The following MEOX2 variants were observed in gnomAD, a reference collection of about 807,000 sequenced individuals.
MEOX2 encodes the protein homeobox protein MOX-2.
In MEOX2, 11 loss-of-function variants were observed where a neutral mutation model predicts 27.0. The observed-to-expected ratio is 0.41, with a 90% CI of 0.26 to 0.68. The LOEUF (loss-of-function observed/expected upper bound fraction) is 0.68. Ranked by LOEUF, MEOX2 falls within the 30% of genes least tolerant of loss-of-function variation. The probability of loss-of-function intolerance (pLI) is 0.33; values close to 1 mark genes in which losing one functional copy is unlikely to be tolerated. For synonymous variants in MEOX2, 189 were observed against 155.4 expected (o/e 1.22, Z -1.61); for missense variants, 436 against 385.4 (o/e 1.13, Z -1.10).
chr7:15,678,363 T>C (rs887733918), intron 1 of MEOX2, among the ~76,000 whole-genome samples: 1 of 151,934 alleles, frequency 6.6e-6, no homozygotes, highest in Non-Finnish European at 1.5e-5. Context: ...TGAAAGTTAT[T>C]TGCTAAATTG....
intron 2 of MEOX2, among the ~76,000 whole-genome samples, chr7:15,614,652 A>G (rs916813246): frequency 6.6e-6 from 1 of 152,014 alleles, no homozygotes; most frequent in Non-Finnish European, 1.5e-5. Context: ...CTGTTCCTTT[A>G]TTAATTTTTC....
intron 1 of MEOX2, among the ~76,000 whole-genome samples, chr7:15,649,022 A>G (rs1469622186): frequency 6.6e-6 from 1 of 152,064 alleles, no homozygotes; most frequent in African/African-American, 2.4e-5. Flanking sequence ...CCCTCCCACA[A>G]CTCCCTGAGT....
intron 1 of MEOX2, among the ~76,000 whole-genome samples, chr7:15,632,976 T>C (rs1562599621): frequency 6.6e-6 from 1 of 151,970 alleles, no homozygotes; most frequent in Non-Finnish European, 1.5e-5. Flanking sequence ...AAGGCCCTAA[T>C]TAAGACTTTT....
intron 1 of MEOX2, among the ~76,000 whole-genome samples, chr7:15,644,165 G>A (rs970604032): frequency 2.0e-5 from 3 of 152,102 alleles, no homozygotes; most frequent in African/African-American, 7.2e-5. Flanking sequence ...TGAGGGCCTT[G>A]GGCGATGAGC....
chr7:15,645,696 G>T (rs189563278), intron 1 of MEOX2, among the ~76,000 whole-genome samples: 1 of 152,230 alleles, frequency 6.6e-6, no homozygotes, highest in Non-Finnish European at 1.5e-5. Context: ...TTCTCAAGTG[G>T]TATCTTGGCT....
At chr7:15,622,867 C>T (rs1781242343) in intron 2 of MEOX2, among the ~76,000 whole-genome samples, 1 of 152,108 alleles carries the variant, frequency 6.6e-6, no homozygotes, top group African/African-American at 2.4e-5. Context: ...TCTAGCATTA[C>T]TCAGATTAGT....
chr7:15,679,143 A>G (rs1167724980), intron 1 of MEOX2: 2 of 152,120 alleles, frequency 1.3e-5, no homozygotes, highest in African/African-American at 2.4e-5. Flanking sequence ...CAGATTTACT[A>G]TTATCAGGAA....
intron 1 of MEOX2, among the ~76,000 whole-genome samples, chr7:15,640,982 A>G (rs866415472): frequency 1.3e-5 from 2 of 151,884 alleles, no homozygotes; most frequent in South Asian, 2.1e-4. Context: ...TTGGCTTATG[A>G]TTTTATTTTT....
chr7:15,616,615 C>G (rs569824289), intron 2 of MEOX2, among the ~76,000 whole-genome samples: 2 of 151,902 alleles, frequency 1.3e-5, no homozygotes, highest in South Asian at 4.1e-4. Flanking sequence ...GTTTTTAAGA[C>G]AGCTAAATTA....
chr7:15,666,771 AAAAAAAAAATATATATAT>A (rs1169198197), intron 1 of MEOX2, among the ~76,000 whole-genome samples: 7 of 49,452 alleles, frequency 1.4e-4, no homozygotes, highest in East Asian at 2.3e-3. Flanking sequence ...AAAAAAAAAA[AAAAAAAAAATATATATAT>A]ATATATATAT....
chr7:15,615,905 AG>A (rs1762068373), intron 2 of MEOX2, among the ~76,000 whole-genome samples: 1 of 152,000 alleles, frequency 6.6e-6, no homozygotes, highest in African/African-American at 2.4e-5. Flanking sequence ...TTCTAGGAGA[AG>A]GGATATAGTA....
chr7:15,631,059 G>C (rs1287442015), intron 1 of MEOX2, among the ~76,000 whole-genome samples: 1 of 151,858 alleles, frequency 6.6e-6, no homozygotes, highest in Non-Finnish European at 1.5e-5. Flanking sequence ...ATTGGATCGA[G>C]CACCACTATG....
At chr7:15,642,268 C>T (rs1270984539) in intron 1 of MEOX2, among the ~76,000 whole-genome samples, 1 of 152,126 alleles carries the variant, frequency 6.6e-6, no homozygotes, top group Non-Finnish European at 1.5e-5. Flanking sequence ...GGTTTGTTTG[C>T]ATCACATAAT....
Position 15,640,254 on chromosome 7 carries a change from T to TTGTG in MEOX2, c.518-13340_518-13337dup, listed in dbSNP as rs34600761. ...CTGTTTGGGGGTTGTGTGTGTGTGT[T>TTGTG]TGTGTGTGTGTGTGTGTGTGTGTGT... On this transcript the variant is annotated intron_variant, in intron 1 of 2. Transcript: ENST00000262041. Among the ~76,000 whole-genome samples, 661 of 145,990 alleles carry TTGTG rather than the reference T, an allele frequency of 4.5e-3. 4 individuals are homozygous for TTGTG. The highest frequency in any genetic ancestry group is 0.028 in the East Asian group (138 of 4,946).
chr7:15,668,746 G>C (rs948433058), intron 1 of MEOX2, among the ~76,000 whole-genome samples: 4 of 152,150 alleles, frequency 2.6e-5, no homozygotes, highest in Admixed American at 6.5e-5. Context: ...AAAGTGCTGA[G>C]ATTACAGGCA....
intron 1 of MEOX2, among the ~76,000 whole-genome samples, chr7:15,640,729 T>A (rs752369167): frequency 7.9e-5 from 12 of 152,156 alleles, no homozygotes; most frequent in African/African-American, 1.7e-4. Flanking sequence ...AGGGTTTTTA[T>A]CATGAAGGAT....
At chr7:15,661,294 C>T (rs994948575) in intron 1 of MEOX2, among the ~76,000 whole-genome samples, 2 of 152,010 alleles carry the variant, frequency 1.3e-5, no homozygotes, top group Admixed American at 6.6e-5. Flanking sequence ...AACTAAGAAC[C>T]GTATTCACTC....
At chr7:15,643,333 AGCTGGGTGAC>A (rs1417735616) in intron 1 of MEOX2, among the ~76,000 whole-genome samples, 1 of 152,090 alleles carries the variant, frequency 6.6e-6, no homozygotes, top group Non-Finnish European at 1.5e-5. Flanking sequence ...GAGGTGGCAA[AGCTGGGTGAC>A]GCTGGGTCAG....
At chr7:15,633,203 C>T (rs1300355510) in intron 1 of MEOX2, among the ~76,000 whole-genome samples, 2 of 151,796 alleles carry the variant, frequency 1.3e-5, no homozygotes, top group East Asian at 3.9e-4. Flanking sequence ...AAAAATAATA[C>T]TTGTTTTCAC....
Sources: gnomAD v4.1 joint callset for allele counts (sites outside exome capture counted in the v4.1 genomes callset) on GRCh38, gnomAD v4.1.1 for gene constraint, MANE v1.5 for transcripts, NCBI Gene and HGNC (gene_info 2026-07-23, HGNC 2026-07-21) for gene names.